Variants in AHSA1 observed in about 807,000 individuals in gnomAD.
AHSA1 encodes the protein activator of 90 kDa heat shock protein ATPase homolog 1.
A neutral mutation model predicts 46.1 loss-of-function variants in AHSA1; 14 were observed. The observed-to-expected ratio is 0.30, with a 90% CI of 0.20 to 0.47. The LOEUF (loss-of-function observed/expected upper bound fraction) is 0.47. AHSA1 is among the 20% of genes least tolerant of loss of function. The probability of loss-of-function intolerance (pLI) is 0.99; values close to 1 mark genes in which losing one functional copy is unlikely to be tolerated. For missense variants in AHSA1, 333 were observed against 415.9 expected (o/e 0.80, Z 1.73); for synonymous variants, 147 against 145.8 (o/e 1.01, Z -0.06).
chr14:77,464,188 C>G (rs138279943), intron 4 of AHSA1, among the ~76,000 whole-genome samples: 7,628 of 152,124 alleles, frequency 0.05, 645 homozygotes, highest in African/African-American at 0.18. Flanking sequence ...ACCATCCTGG[C>G]CAACATGGTG....
At chr14:77,467,437 T>G (rs1207874792) in intron 6 of AHSA1, among the ~76,000 whole-genome samples, 1 of 151,418 alleles carries the variant, frequency 6.6e-6, no homozygotes, top group Non-Finnish European at 1.5e-5. Context: ...CTCACGCCTG[T>G]AATCCCAGCA....
At chr14:77,464,383 A>G (rs1200789829) in intron 4 of AHSA1, among the ~76,000 whole-genome samples, 2 of 152,152 alleles carry the variant, frequency 1.3e-5, no homozygotes, top group East Asian at 1.9e-4. Context: ...CAAAAAAAAA[A>G]TAATAATAAT....
upstream of AHSA1, chr14:77,457,910 G>C (rs537278995): frequency 4.0e-6 from 2 of 502,620 alleles, no homozygotes; most frequent in Non-Finnish European, 7.0e-6. Context: ...TGTATGAGCA[G>C]TTGGGTTTCG....
chr14:77,469,046 A>T, intron 8 of AHSA1, 31 bp from the exon 9 acceptor site: 1 of 1,609,792 alleles, frequency 6.2e-7, no homozygotes, highest in East Asian at 2.2e-5. Context: ...AAACCTAGAT[A>T]TGAAACCTCC....
intron 2 of AHSA1, among the ~76,000 whole-genome samples, chr14:77,460,607 C>T (rs941403295): frequency 1.8e-4 from 27 of 151,038 alleles, no homozygotes; most frequent in African/African-American, 6.6e-4. Context: ...TGCTCGTCAC[C>T]CAGGCTGGAG....
At chr14:77,468,044 T>C (rs1226534168) in intron 6 of AHSA1, 39 bp from the exon 7 acceptor site, 2 of 1,331,660 alleles carry the variant, frequency 1.5e-6, no homozygotes, top group East Asian at 2.5e-5. Context: ...CCATGTATCT[T>C]CTGCCTCTTT....
At chr14:77,461,297 G>A (rs1472114987) in intron 2 of AHSA1, among the ~76,000 whole-genome samples, 1 of 152,052 alleles carries the variant, frequency 6.6e-6, no homozygotes, top group South Asian at 2.1e-4. Flanking sequence ...TTGGGAGACT[G>A]AGGCAGGTGG....
chr14:77,460,886 G>C lies in AHSA1; in HGVS notation c.271+1080G>C, dbSNP rs552811416. Among the ~76,000 whole-genome samples the C allele has an allele frequency of 2.0e-5, 3 of 152,178 alleles. No individual in the cohort carries two copies. The South Asian group carries it at 6.2e-4, about 32-fold the overall frequency. ...AGAAATAGATAAATATAGGCCGGGC[G>C]TGGTGGCTAACGCCTGTAATCCCAG... On this transcript the variant is annotated intron_variant, in intron 2 of 8. Coordinates refer to ENST00000216479, the MANE Select transcript of AHSA1 (RefSeq NM_012111.3).
At chr14:77,464,103 G>A (rs569568094) in intron 4 of AHSA1, among the ~76,000 whole-genome samples, 1 of 152,198 alleles carries the variant, frequency 6.6e-6, no homozygotes, top group Non-Finnish European at 1.5e-5. Context: ...CAGTGGCCAG[G>A]TGCAGTGGCT....
intron 4 of AHSA1, chr14:77,463,131 T>G: frequency 4.8e-6 from 1 of 209,874 alleles, no homozygotes; most frequent in South Asian, 7.9e-5. Flanking sequence ...AATACAAAAA[T>G]TAGCTGGATG....
At chr14:77,464,449 C>T in intron 4 of AHSA1, 149 bp from the exon 5 acceptor site, 1 of 669,924 alleles carries the variant, frequency 1.5e-6, no homozygotes, top group Non-Finnish European at 2.6e-6. Context: ...CTGGCATAGG[C>T]CAAAAGTAAA....
intron 4 of AHSA1, among the ~76,000 whole-genome samples, chr14:77,464,127 C>G (rs1354666415): frequency 1.3e-5 from 2 of 152,190 alleles, no homozygotes; most frequent in Non-Finnish European, 2.9e-5. Context: ...ACCTGTAATC[C>G]CAGCACTTTT....
Position 77,468,104 on chromosome 14 carries a change from G to C in AHSA1, c.712G>C (p.Ala238Pro). The C allele has an allele frequency of 7.2e-7, 1 of 1,381,220 alleles. No homozygotes were observed. 85.6% of individuals were successfully genotyped at this position (1,381,220 alleles called of 1,614,324 possible). Reference sequence around the variant, plus strand: ...GCAGCTGGTGCAGGCCTTTACCCATGCTCCTGCAACATTAGAAGCAGACAG... The same window carrying C: ...GCAGCTGGTGCAGGCCTTTACCCATCCTCCTGCAACATTAGAAGCAGACAG... Reference protein sequence around the residue: ...TQELVQAFTHAPATLEADRGG... With the variant: ...TQELVQAFTHPPATLEADRGG... Residue 238 changes from alanine (A) to proline (P), a missense_variant, in exon 7 of 9, where the codon GCT becomes CCT. Coordinates refer to ENST00000216479, the MANE Select transcript of AHSA1 (RefSeq NM_012111.3).
intron 1 of AHSA1, among the ~76,000 whole-genome samples, chr14:77,458,969 C>G (rs1418077473): frequency 6.6e-6 from 1 of 152,164 alleles, no homozygotes; most frequent in Non-Finnish European, 1.5e-5. Context: ...TTGTTGCAGC[C>G]TTTTTTGCTG....
In AHSA1 at chr14:77,464,702, G is replaced by A. The variant is rs1244161304; in HGVS notation, c.561+16G>A. ...GGAGCGCAAGGTAAATGGTTTTCCTGGGGTGGGAGACTGTCTGCAAAGGAA... is the reference window on the plus strand; with the variant it reads ...GGAGCGCAAGGTAAATGGTTTTCCTAGGGTGGGAGACTGTCTGCAAAGGAA... On this transcript the variant is annotated intron_variant, in intron 5 of 8. Coordinates refer to ENST00000216479, the MANE Select transcript of AHSA1 (RefSeq NM_012111.3). 1 of 1,608,976 alleles carries A rather than the reference G, an allele frequency of 6.2e-7. No homozygotes were observed. Among genetic ancestry groups the A allele is most frequent in the Admixed American group, 1.7e-5 (1 of 59,488 alleles).
chr14:77,468,636 A>T, intron 8 of AHSA1, 128 bp downstream of exon 8: 1 of 856,448 alleles, frequency 1.2e-6, no homozygotes, highest in Non-Finnish European at 1.9e-6. Flanking sequence ...AATCACAGCA[A>T]ACTGCAGCCT....
At chr14:77,468,899 A>G (rs1594941997) in intron 8 of AHSA1, 178 bp from the exon 9 acceptor site, 1 of 656,856 alleles carries the variant, frequency 1.5e-6, no homozygotes, top group East Asian at 3.0e-5. Context: ...GTAGAGATGG[A>G]GTTTCACCAT....
rs1255335007 is a variant in AHSA1 at position 77,465,740 on chromosome 14, T to G, written c.690+73T>G. On this transcript the variant is annotated intron_variant, in intron 6 of 8. Coordinates refer to ENST00000216479, the MANE Select transcript of AHSA1 (RefSeq NM_012111.3). ...TGACTTGAGTTGGGGGCATATCCCTTCAGCAGTGTACAGAAGAGGTACTCA... is the reference window on the plus strand; with the variant it reads ...TGACTTGAGTTGGGGGCATATCCCTGCAGCAGTGTACAGAAGAGGTACTCA... 4 of 1,533,482 alleles carry G rather than the reference T, an allele frequency of 2.6e-6. No homozygotes were observed. The African/African-American group carries it at 5.4e-5, about 21-fold the overall frequency. The allele number at this position is 1,533,482 out of a possible 1,614,324, so 95.0% of individuals were successfully genotyped here.
chr14:77,468,721 CTTTT>C (rs572116649), intron 8 of AHSA1: 14,348 of 219,668 alleles, frequency 0.065, 29 homozygotes, highest in East Asian at 0.13. Context: ...ACCATGCCAG[CTTTT>C]TTTTTTTTTT....
Sources: allele counts gnomAD v4.1 joint callset (sites outside exome capture counted in the v4.1 genomes callset), GRCh38; gene constraint gnomAD v4.1.1; transcripts MANE v1.5; gene names NCBI Gene and HGNC (gene_info 2026-07-23, HGNC 2026-07-21).